PLXNA4: variants seen among roughly 807,000 people sequenced by gnomAD.
The protein encoded by PLXNA4 is plexin-A4.
A neutral mutation model predicts 191.8 loss-of-function variants in PLXNA4; 44 were observed. The ratio of observed to expected loss-of-function variants is 0.23; its 90% CI spans 0.18 to 0.29. The LOEUF (loss-of-function observed/expected upper bound fraction) is 0.29, where lower values mean the gene tolerates loss of function less well. Among genes scored for constraint, PLXNA4 ranks in the 10% least tolerant of loss-of-function variants. The pLI is 1.00. For missense variants in PLXNA4, 1,800 were observed against 2,488.8 expected, an observed-to-expected ratio of 0.72 and a Z score of 5.89; for synonymous variants, 1,082 against 1,009.5, an observed-to-expected ratio of 1.07 and a Z score of -1.36.
intron 3 of PLXNA4, among the ~76,000 whole-genome samples, chr7:132,441,208 C>T (rs1355971021): frequency 6.6e-6 from 1 of 152,176 alleles, no homozygotes; most frequent in African/African-American, 2.4e-5. Flanking sequence ...CTAGCTCCCA[C>T]CCCATGTGAC....
At chr7:132,158,625 A>G (rs1365424782) in intron 25 of PLXNA4, among the ~76,000 whole-genome samples, 7 of 152,144 alleles carry the variant, frequency 4.6e-5, no homozygotes, top group African/African-American at 1.4e-4. Context: ...AGGCACTATG[A>G]TTATCTCCAT....
chr7:132,208,158 C>A (rs1306455105), intron 10 of PLXNA4, among the ~76,000 whole-genome samples: 1 of 152,220 alleles, frequency 6.6e-6, no homozygotes, highest in African/African-American at 2.4e-5. Context: ...CTGACCCAGA[C>A]CAGCATTTAA....
At chr7:132,512,666 C>G (rs1798769852) in intron 1 of PLXNA4, among the ~76,000 whole-genome samples, 1 of 152,170 alleles carries the variant, frequency 6.6e-6, no homozygotes, top group Non-Finnish European at 1.5e-5. Flanking sequence ...ACAGAGGTGA[C>G]ACCCCGCCGA....
intron 1 of PLXNA4, among the ~76,000 whole-genome samples, chr7:132,542,598 AT>A (rs142344680): frequency 0.051 from 7,710 of 151,742 alleles, 639 homozygotes; most frequent in African/African-American, 0.17. Flanking sequence ...ATACTTCTTC[AT>A]TTTTTTTCTT....
At chr7:132,578,898 C>G (rs1269021463), upstream of PLXNA4, among the ~76,000 whole-genome samples, 1 of 152,192 alleles carries the variant, frequency 6.6e-6, no homozygotes, top group African/African-American at 2.4e-5. Context: ...CTAGATAAAG[C>G]ACACAATATC....
At chr7:132,426,393 C>T (rs1355612477) in intron 3 of PLXNA4, among the ~76,000 whole-genome samples, 1 of 152,208 alleles carries the variant, frequency 6.6e-6, no homozygotes, top group Non-Finnish European at 1.5e-5. Flanking sequence ...GTCTCCACCT[C>T]TGTCTGAGGC....
chr7:132,438,306 G>A (rs957746413), intron 3 of PLXNA4, among the ~76,000 whole-genome samples: 1 of 152,150 alleles, frequency 6.6e-6, no homozygotes, highest in Admixed American at 6.5e-5. Flanking sequence ...TTGCTTTGAT[G>A]ACATAATCCA....
chr7:132,573,532 A>G (rs1802073558), intron 1 of PLXNA4, among the ~76,000 whole-genome samples: 1 of 152,188 alleles, frequency 6.6e-6, no homozygotes, highest in South Asian at 2.1e-4. Flanking sequence ...CCCCCACTTC[A>G]TTCCCAGCAG....
At chr7:132,391,417 A>T (rs1563073357) in intron 3 of PLXNA4, among the ~76,000 whole-genome samples, 1 of 152,190 alleles carries the variant, frequency 6.6e-6, no homozygotes, top group Non-Finnish European at 1.5e-5. Flanking sequence ...TGTTCTAATT[A>T]CTTCTCTGGT....
At chr7:132,518,174 TC>T (rs1295695300) in intron 1 of PLXNA4, among the ~76,000 whole-genome samples, 1 of 152,166 alleles carries the variant, frequency 6.6e-6, no homozygotes, top group African/African-American at 2.4e-5. Flanking sequence ...GCTCCATTCG[TC>T]CCGGCCTTCA....
At chr7:132,533,904 A>C (rs1799725461) in intron 1 of PLXNA4, among the ~76,000 whole-genome samples, 1 of 152,056 alleles carries the variant, frequency 6.6e-6, no homozygotes, top group African/African-American at 2.4e-5. Context: ...GGTTGCTCTA[A>C]AGGACAGAAT....
In PLXNA4 at chr7:132,159,619, A is replaced by G. The variant is rs1307120140; in HGVS notation, c.4514T>C (p.Val1505Ala). 1 of 1,614,082 alleles carries G rather than the reference A, an allele frequency of 6.2e-7. No homozygotes were observed. Among genetic ancestry groups the G allele is most frequent in the East Asian group, 2.2e-5 (1 of 44,852 alleles). ...GGGGCTGTTGGCATTGTCTGGGCTG[A>G]CACAGCTCAGGACCTGAAGGAAAGG... ...IDYKTLVLSC[V>A]SPDNANSPEV... The change falls in exon 25 of 32, where the codon GTC (valine) becomes GCC (alanine). Residue 1505 changes from valine to alanine, a missense_variant. Val to Ala is a moderately conservative substitution (Grantham distance 64). Around this residue, in one of 6 missense-constraint regions of PLXNA4, gnomAD observed 214 missense variants for 298.2 expected, o/e 0.72. Transcript: ENST00000321063.
At chr7:132,549,336 C>A (rs1290511314) in intron 1 of PLXNA4, among the ~76,000 whole-genome samples, 1 of 152,060 alleles carries the variant, frequency 6.6e-6, no homozygotes, top group Non-Finnish European at 1.5e-5. Context: ...AACAGGAATC[C>A]CAGGGAACCT....
intron 9 of PLXNA4, among the ~76,000 whole-genome samples, chr7:132,216,442 G>A (rs536041176): frequency 9.1e-4 from 139 of 152,274 alleles, no homozygotes; most frequent in African/African-American, 3.0e-3. Flanking sequence ...TCCAAGGGGC[G>A]GCTCTTCACC....
chr7:132,271,798 C>G (rs1296786538), intron 4 of PLXNA4, among the ~76,000 whole-genome samples: 1 of 152,028 alleles, frequency 6.6e-6, no homozygotes, highest in African/African-American at 2.4e-5. Context: ...AACCAGATTA[C>G]AGAGGGTTGG....
At chr7:132,582,886 T>C (rs1802431382) in intron 2 of PLXNA4, among the ~76,000 whole-genome samples, 1 of 152,196 alleles carries the variant, frequency 6.6e-6, no homozygotes, top group African/African-American at 2.4e-5. Flanking sequence ...TGGGGCATGC[T>C]TGATGCATGA....
intron 3 of PLXNA4, among the ~76,000 whole-genome samples, chr7:132,475,539 C>T (rs749446263): frequency 1.3e-5 from 2 of 152,120 alleles, no homozygotes; most frequent in African/African-American, 2.4e-5. Flanking sequence ...CCCCTGCCCC[C>T]GCACAGAACA....
At chr7:132,432,490 T>C (rs1795301556) in intron 3 of PLXNA4, among the ~76,000 whole-genome samples, 1 of 152,088 alleles carries the variant, frequency 6.6e-6, no homozygotes, top group African/African-American at 2.4e-5. Flanking sequence ...ATAATCAATA[T>C]AGGGTATTTA....
chr7:132,403,147 T>C (rs1272118130), intron 3 of PLXNA4, among the ~76,000 whole-genome samples: 1 of 152,136 alleles, frequency 6.6e-6, no homozygotes, highest in Non-Finnish European at 1.5e-5. Context: ...TGAGAGAAGA[T>C]GATCTCTCCC....
Sources: allele counts gnomAD v4.1 joint callset (sites outside exome capture counted in the v4.1 genomes callset), GRCh38; gene constraint gnomAD v4.1.1; regional missense constraint gnomAD v4.1.1; transcripts MANE v1.5; gene names NCBI Gene and HGNC (gene_info 2026-07-23, HGNC 2026-07-21).